Variants in KLHL32 observed in about 807,000 individuals in gnomAD.
KLHL32 encodes kelch like family member 32, also known as kelch-like protein 32.
In KLHL32, 35 loss-of-function variants were observed where a neutral mutation model predicts 64.8. The observed-to-expected ratio is 0.54, with a 90% CI of 0.41 to 0.72. The LOEUF is 0.72. Ranked by LOEUF, KLHL32 falls within the 30% of genes least tolerant of loss-of-function variation. KLHL32 has a pLI of 0.00. For synonymous variants in KLHL32, 259 were observed against 281.0 expected (o/e 0.92, Z 0.78); for missense variants, 589 against 768.5 (o/e 0.77, Z 2.76).
At chr6:96,949,869 T>G (rs1194778689) in intron 1 of KLHL32, among the ~76,000 whole-genome samples, 3 of 152,134 alleles carry the variant, frequency 2.0e-5, no homozygotes, top group Non-Finnish European at 4.4e-5. Context: ...TGGAATTAAA[T>G]TTACTGACTT....
At chr6:97,117,937 T>C (rs993985828) in intron 7 of KLHL32, among the ~76,000 whole-genome samples, 2 of 152,222 alleles carry the variant, frequency 1.3e-5, no homozygotes, top group African/African-American at 4.8e-5. Context: ...TTGCATTTAC[T>C]CAAAAGCAAT....
At chr6:97,136,061 G>C (rs954203927) in intron 10 of KLHL32, among the ~76,000 whole-genome samples, 3 of 152,174 alleles carry the variant, frequency 2.0e-5, no homozygotes, top group Non-Finnish European at 4.4e-5. Context: ...TAAATTTTTT[G>C]TGTCGTCAGT....
chr6:97,107,922 CA>C (rs1796629390), intron 6 of KLHL32, among the ~76,000 whole-genome samples: 1 of 152,126 alleles, frequency 6.6e-6, no homozygotes, highest in African/African-American at 2.4e-5. Context: ...CTGTTCTTAG[CA>C]AATATCTGAG....
intron 5 of KLHL32, among the ~76,000 whole-genome samples, chr6:97,084,674 A>G (rs1226197687): frequency 1.3e-5 from 2 of 152,218 alleles, no homozygotes; most frequent in African/African-American, 4.8e-5. Flanking sequence ...AGTTTTGGAA[A>G]AAGAGCGGAG....
the KLHL32 span, among the ~76,000 whole-genome samples, chr6:96,908,523 A>G: frequency 1.3e-5 from 2 of 152,202 alleles, no homozygotes; most frequent in Non-Finnish European, 2.9e-5. Context: ...GCATCATCCT[A>G]CACTTCTGGA....
chr6:96,899,841 A>G, the KLHL32 span, among the ~76,000 whole-genome samples: 4 of 152,258 alleles, frequency 2.6e-5, no homozygotes, highest in African/African-American at 9.6e-5. Context: ...CAAGGAAAGT[A>G]TAACTAGGAT....
At chr6:97,086,944 ATC>A (rs1252367136) in intron 6 of KLHL32, among the ~76,000 whole-genome samples, 1 of 152,208 alleles carries the variant, frequency 6.6e-6, no homozygotes, top group African/African-American at 2.4e-5. Context: ...TGTGGCTTCT[ATC>A]TCTTTTTGTG....
At chr6:97,133,894 C>T (rs1799703468) in intron 10 of KLHL32, among the ~76,000 whole-genome samples, 1 of 151,928 alleles carries the variant, frequency 6.6e-6, no homozygotes, top group African/African-American at 2.4e-5. Flanking sequence ...GGAACATTTA[C>T]AAAAACCAGT....
At chr6:96,927,165 A>G (rs1450880143) in intron 1 of KLHL32, among the ~76,000 whole-genome samples, 1 of 152,242 alleles carries the variant, frequency 6.6e-6, no homozygotes, top group Non-Finnish European at 1.5e-5. Flanking sequence ...ATCTGGTGAA[A>G]CAAAAGCATA....
At chr6:96,998,682 G>A (rs939076700) in intron 3 of KLHL32, among the ~76,000 whole-genome samples, 7 of 152,168 alleles carry the variant, frequency 4.6e-5, no homozygotes, top group African/African-American at 9.7e-5. Flanking sequence ...TTGAGGCCAA[G>A]CAAGTACTAC....
In KLHL32 at chr6:96,969,906, A is replaced by G. The variant is rs549137436; in HGVS notation, c.23+2823A>G. On this transcript the variant is annotated intron_variant, in intron 2 of 10. Transcript: ENST00000369261. ...ATGTCTTAAAGACAACTCAAACTTA[A>G]CATGTCCCAAACCAAATTCATCATC... 2.6e-3 allele frequency among the ~76,000 whole-genome samples: 393 copies of G among 152,278 alleles called. 1 individual carries two copies. The highest frequency in any genetic ancestry group is 6.5e-3 in the Admixed American group (99 of 15,302).
chr6:96,972,040 C>T (rs1465185220), intron 2 of KLHL32, among the ~76,000 whole-genome samples: 8 of 151,988 alleles, frequency 5.3e-5, no homozygotes, highest in African/African-American at 1.2e-4. Flanking sequence ...TTAGTAGAGA[C>T]GGGGTTTCAC....
chr6:97,127,579 T>G, intron 8 of KLHL32, 117 bp downstream of exon 8: 1 of 858,688 alleles, frequency 1.2e-6, no homozygotes, highest in South Asian at 1.6e-5. Flanking sequence ...TTAGCTTATA[T>G]AGAGAAAAGG....
intron 3 of KLHL32, among the ~76,000 whole-genome samples, chr6:97,040,131 A>G (rs1244962360): frequency 1.3e-5 from 2 of 152,142 alleles, no homozygotes; most frequent in South Asian, 4.1e-4. Flanking sequence ...TGAACTAAAT[A>G]CCACATAGCA....
intron 7 of KLHL32, among the ~76,000 whole-genome samples, chr6:97,123,153 G>A (rs1798536737): frequency 6.6e-6 from 1 of 152,106 alleles, no homozygotes; most frequent in African/African-American, 2.4e-5. Flanking sequence ...CATCAGACTT[G>A]ACCCAGTCTG....
chr6:97,081,837 G>C (rs1018165772), intron 5 of KLHL32, among the ~76,000 whole-genome samples: 1 of 152,102 alleles, frequency 6.6e-6, no homozygotes, highest in African/African-American at 2.4e-5. Flanking sequence ...TTGCTTATCT[G>C]TGTTGCCAAT....
chr6:96,955,353 G>T (rs1229598506), intron 1 of KLHL32, among the ~76,000 whole-genome samples: 1 of 152,038 alleles, frequency 6.6e-6, no homozygotes, highest in Non-Finnish European at 1.5e-5. Context: ...TGCTGAGTCA[G>T]TTATTATGCA....
intron 6 of KLHL32, among the ~76,000 whole-genome samples, chr6:97,086,887 G>A (rs1233827194): frequency 6.6e-6 from 1 of 152,196 alleles, no homozygotes; most frequent in Non-Finnish European, 1.5e-5. Context: ...AATGAATCCT[G>A]CATTTAATTT....
intron 1 of KLHL32, among the ~76,000 whole-genome samples, chr6:96,944,804 C>T (rs1771737133): frequency 6.6e-6 from 1 of 152,180 alleles, no homozygotes; most frequent in East Asian, 1.9e-4. Flanking sequence ...CCTTGCTGTA[C>T]TTGGGAAAAT....
Sources: allele counts gnomAD v4.1 joint callset (sites outside exome capture counted in the v4.1 genomes callset), GRCh38; gene constraint gnomAD v4.1.1; transcripts MANE v1.5; gene names NCBI Gene and HGNC (gene_info 2026-07-23, HGNC 2026-07-21).